Variants in TACR3 observed in about 807,000 individuals in gnomAD.
The protein encoded by TACR3 is tachykinin receptor 3.
A neutral mutation model predicts 35.0 loss-of-function variants in TACR3; 34 were observed. The observed-to-expected ratio is 0.97, with a 90% CI of 0.74 to 1.30. TACR3 has a LOEUF of 1.30. Among genes scored for constraint, TACR3 ranks in the 50% most tolerant of loss-of-function variants. The probability of loss-of-function intolerance (pLI) is 0.00; values close to 1 mark genes in which losing one functional copy is unlikely to be tolerated. For missense variants in TACR3, 558 were observed against 591.7 expected (o/e 0.94, Z 0.59); for synonymous variants, 233 against 221.1 (o/e 1.05, Z -0.48).
At chr4:103,595,421 C>A (rs1470896572) in intron 3 of TACR3, among the ~76,000 whole-genome samples, 1 of 152,044 alleles carries the variant, frequency 6.6e-6, no homozygotes, top group Non-Finnish European at 1.5e-5. Flanking sequence ...AGTTACATTG[C>A]CTATTTTTAG....
At chr4:103,645,396 AT>A (rs1383655781) in intron 3 of TACR3, among the ~76,000 whole-genome samples, 2 of 151,972 alleles carry the variant, frequency 1.3e-5, no homozygotes, top group Non-Finnish European at 2.9e-5. Context: ...AAATCTAAGA[AT>A]GGAAAAATGG....
intron 3 of TACR3, among the ~76,000 whole-genome samples, chr4:103,650,118 A>G (rs1318006487): frequency 6.6e-6 from 1 of 152,018 alleles, no homozygotes; most frequent in Non-Finnish European, 1.5e-5. Flanking sequence ...GGTCTTGGAT[A>G]AGATCCAGAG....
chr4:103,606,039 A>G (rs1221407927), intron 3 of TACR3, among the ~76,000 whole-genome samples: 2 of 151,994 alleles, frequency 1.3e-5, no homozygotes, highest in African/African-American at 4.8e-5. Context: ...AGCTTTCTAC[A>G]TATGGCTAGC....
chr4:103,651,558 A>T (rs1212854843), intron 3 of TACR3, among the ~76,000 whole-genome samples: 5 of 151,800 alleles, frequency 3.3e-5, no homozygotes, highest in African/African-American at 4.8e-5. Context: ...CAGAGACCCT[A>T]AGAGCCCACT....
chr4:103,681,325 G>A (rs1384883803), intron 1 of TACR3, among the ~76,000 whole-genome samples: 1 of 151,892 alleles, frequency 6.6e-6, no homozygotes, highest in African/African-American at 2.4e-5. Flanking sequence ...CTCTCTCACG[G>A]CCTAAATATA....
In TACR3 at chr4:103,587,965, T is replaced by G. The variant is rs1723806979; in HGVS notation, c.*1717A>C. On this transcript the variant is annotated 3_prime_UTR_variant, in exon 5 of 5. Coordinates refer to ENST00000304883, the MANE Select transcript of TACR3 (RefSeq NM_001059.3). ...TGCATTCATTAAATGATTGAATGTG[T>G]AGGCACATTTGTATGTGTGTGTGTG... 6.6e-6 allele frequency: 1 copy of G among 151,216 alleles called. No homozygotes were observed. The highest frequency in any genetic ancestry group is 2.1e-4 in the South Asian group (1 of 4,832). The allele number at this position is 151,216 out of a possible 1,614,324, so 9.4% of individuals were successfully genotyped here. A position where few individuals can be genotyped will look rare whatever the true frequency, so the allele number is the denominator to read the frequency against.
intron 3 of TACR3, among the ~76,000 whole-genome samples, chr4:103,615,528 T>C (rs1405546368): frequency 2.0e-5 from 3 of 152,084 alleles, no homozygotes; most frequent in African/African-American, 7.2e-5. Context: ...ATAATGGCTT[T>C]ACTACTTCTC....
chr4:103,596,807 T>G (rs1724036276), intron 3 of TACR3, among the ~76,000 whole-genome samples: 1 of 150,716 alleles, frequency 6.6e-6, no homozygotes, highest in Admixed American at 6.6e-5. Flanking sequence ...CCTGTGTCCA[T>G]GTGTTCTCAT....
rs544602208 is a variant in TACR3 at position 103,603,388 on chromosome 4, G to A, written c.889-11705C>T. Among the ~76,000 whole-genome samples, 131 of 152,344 alleles carry A rather than the reference G, an allele frequency of 8.6e-4. 1 individual carries two copies. The highest frequency in any genetic ancestry group is 2.9e-3 in the African/African-American group (119 of 41,590). On this transcript the variant is annotated intron_variant, in intron 3 of 4. Transcript: ENST00000304883. ...CCCTGCTTTGGCTCGTGCACGGTGC[G>A]CTGCACCCACTGTCTTGCACCTACT...
At chr4:103,596,879 G>T (rs939514905) in intron 3 of TACR3, among the ~76,000 whole-genome samples, 1 of 151,700 alleles carries the variant, frequency 6.6e-6, no homozygotes, top group Non-Finnish European at 1.5e-5. Flanking sequence ...GCGATAGTTT[G>T]CTGAGAATGA....
chr4:103,663,527 A>G (rs867500803), intron 1 of TACR3, among the ~76,000 whole-genome samples: 1 of 147,524 alleles, frequency 6.8e-6, no homozygotes, highest in African/African-American at 2.7e-5. Context: ...TAAAGAATGG[A>G]AGCAGGGAAG....
chr4:103,655,058 A>T (rs72945383), intron 3 of TACR3, among the ~76,000 whole-genome samples: 1 of 152,198 alleles, frequency 6.6e-6, no homozygotes, highest in Admixed American at 6.6e-5. Context: ...CACAGTAGAT[A>T]TATTTTTGTA....
chr4:103,713,413 A>C (rs1723016170), intron 1 of TACR3, among the ~76,000 whole-genome samples: 1 of 141,488 alleles, frequency 7.1e-6, no homozygotes, highest in African/African-American at 2.6e-5. Flanking sequence ...ATAGGTGGGA[A>C]TTGAACAATG....
intron 1 of TACR3, among the ~76,000 whole-genome samples, chr4:103,703,971 G>A (rs148819734): frequency 4.0e-4 from 61 of 151,958 alleles, no homozygotes; most frequent in African/African-American, 1.4e-3. Flanking sequence ...GGGCGTGGTA[G>A]CAGGCGCCTC....
At chr4:103,612,830 T>TTCTC (rs34300555) in intron 3 of TACR3, among the ~76,000 whole-genome samples, 2 of 151,452 alleles carry the variant, frequency 1.3e-5, no homozygotes, top group African/African-American at 2.4e-5. Flanking sequence ...TGTTTTGCAT[T>TTCTC]TCTCTCTCTC....
intron 3 of TACR3, chr4:103,624,446 T>A (rs891488646): frequency 9.9e-5 from 15 of 152,230 alleles, no homozygotes; most frequent in African/African-American, 3.4e-4. Context: ...TAGTTCTAAA[T>A]GTTTTCAAAT....
At chr4:103,678,973 T>C (rs2110207672) in intron 1 of TACR3, among the ~76,000 whole-genome samples, 1 of 152,092 alleles carries the variant, frequency 6.6e-6, no homozygotes, top group East Asian at 1.9e-4. Flanking sequence ...TCCAGTTCTG[T>C]CATTTTCATG....
intron 3 of TACR3, among the ~76,000 whole-genome samples, chr4:103,633,021 T>C (rs1725101716): frequency 6.7e-6 from 1 of 149,038 alleles, no homozygotes; most frequent in Admixed American, 6.7e-5. Flanking sequence ...ATGATGATAT[T>C]ATTATATTAT....
intron 3 of TACR3, among the ~76,000 whole-genome samples, chr4:103,655,334 G>T (rs1350908407): frequency 6.6e-6 from 1 of 152,078 alleles, no homozygotes; most frequent in East Asian, 1.9e-4. Flanking sequence ...GTTGCTAGTA[G>T]TACTGTGTAA....
Sources: allele counts gnomAD v4.1 joint callset (sites outside exome capture counted in the v4.1 genomes callset), GRCh38; gene constraint gnomAD v4.1.1; transcripts MANE v1.5; gene names NCBI Gene and HGNC (gene_info 2026-07-23, HGNC 2026-07-21).